The following CAV1 variants were observed in gnomAD, a reference collection of about 807,000 sequenced individuals.
CAV1 encodes the protein caveolin-1.
In CAV1, 10 loss-of-function variants were observed where a neutral mutation model predicts 16.5. The ratio of observed to expected loss-of-function variants is 0.61; its 90% CI spans 0.37 to 1.03. CAV1 has a LOEUF of 1.03. Ranked by LOEUF, CAV1 falls within the 50% of genes least tolerant of loss-of-function variation. The pLI is 0.01. For synonymous variants in CAV1, 76 were observed against 85.1 expected, an observed-to-expected ratio of 0.89 and a Z score of 0.59; for missense variants, 212 against 232.8, an observed-to-expected ratio of 0.91 and a Z score of 0.58.
At chr7:116,526,408 C>T in intron 1 of CAV1, 117 bp from the exon 2 acceptor site, 3 of 1,559,668 alleles carry the variant, frequency 1.9e-6, no homozygotes, top group Non-Finnish European at 2.6e-6. Flanking sequence ...ATTTCGAGCT[C>T]GAGGTTTCCC....
chr7:116,526,974 A>C, intron 2 of CAV1: 7 of 455,992 alleles, frequency 1.5e-5, no homozygotes, highest in Non-Finnish European at 2.0e-5. Context: ...ATCCTAGCAA[A>C]TGAGCCTATT....
At chr7:116,530,766 T>C (rs1793672555) in intron 2 of CAV1, among the ~76,000 whole-genome samples, 1 of 145,692 alleles carries the variant, frequency 6.9e-6, no homozygotes, top group African/African-American at 2.5e-5. Flanking sequence ...AGACTGATCA[T>C]AGTAAAATGC....
At chr7:116,526,861 G>A (rs1340070474) in intron 2 of CAV1, 172 bp downstream of exon 2, 12 of 698,634 alleles carry the variant, frequency 1.7e-5, no homozygotes, top group East Asian at 1.6e-4. Flanking sequence ...TCCCGCAGTC[G>A]GCAGAAACGT....
intron 2 of CAV1, among the ~76,000 whole-genome samples, chr7:116,529,573 A>G (rs1793641409): frequency 6.6e-6 from 1 of 152,152 alleles, no homozygotes; most frequent in African/African-American, 2.4e-5. Flanking sequence ...AAAGAAAACA[A>G]CAACAAAACT....
intron 2 of CAV1, among the ~76,000 whole-genome samples, chr7:116,556,056 T>C (rs543957141): frequency 6.6e-5 from 10 of 152,212 alleles, no homozygotes; most frequent in East Asian, 1.9e-4. Context: ...CTAAATTCAC[T>C]TGGACGTTTG....
At chr7:116,545,498 A>G (rs939467667) in intron 2 of CAV1, among the ~76,000 whole-genome samples, 2 of 152,230 alleles carry the variant, frequency 1.3e-5, no homozygotes, top group African/African-American at 4.8e-5. Flanking sequence ...GCAATGTTCA[A>G]ACCTGCAGAG....
chr7:116,555,828 T>G (rs898192388), intron 2 of CAV1, among the ~76,000 whole-genome samples: 1 of 152,186 alleles, frequency 6.6e-6, no homozygotes, highest in Non-Finnish European at 1.5e-5. Flanking sequence ...TAATTACTGC[T>G]GTGTAAATGG....
chr7:116,558,951 C>G lies in CAV1; in HGVS notation c.201C>G (p.Asp67Glu). ...GTGTCACTTCTTCCTTTTAGATTGA[C>G]TTTGAAGATGTGATTGCAGAACCAG... ...KHLNDDVVKIDFEDVIAEPEG... is the reference protein window; with the variant it reads ...KHLNDDVVKIEFEDVIAEPEG... The change falls in exon 3 of 3, where the codon GAC becomes GAG. Residue 67 changes from aspartate to glutamate, a missense_variant. Transcript: ENST00000341049. The G allele has an allele frequency of 6.2e-7, 1 of 1,611,740 alleles. No individual in the cohort carries two copies. The highest frequency in any genetic ancestry group is 8.5e-7 in the Non-Finnish European group (1 of 1,178,188).
chr7:116,526,185 CG>C, intron 1 of CAV1: 1 of 708,248 alleles, frequency 1.4e-6, no homozygotes, highest in African/African-American at 1.9e-5. Context: ...GCGGGTCCTG[CG>C]GGTCCTGCGT....
chr7:116,537,944 T>C (rs1793857373), intron 2 of CAV1, among the ~76,000 whole-genome samples: 1 of 152,102 alleles, frequency 6.6e-6, no homozygotes, highest in African/African-American at 2.4e-5. Flanking sequence ...ACCAGACACG[T>C]TGCAGTGGTG....
At chr7:116,538,277 T>G (rs1309542094) in intron 2 of CAV1, among the ~76,000 whole-genome samples, 1 of 152,226 alleles carries the variant, frequency 6.6e-6, no homozygotes, top group Admixed American at 6.5e-5. Context: ...CCCTAGTAAT[T>G]ACATATTTGT....
At chr7:116,533,330 C>A (rs1793721181) in intron 2 of CAV1, among the ~76,000 whole-genome samples, 1 of 136,764 alleles carries the variant, frequency 7.3e-6, no homozygotes. Context: ...CAGCGAGACT[C>A]CGTCTCAAAA....
chr7:116,558,348 G>C (rs1584787586), intron 2 of CAV1, among the ~76,000 whole-genome samples: 1 of 152,132 alleles, frequency 6.6e-6, no homozygotes, highest in Admixed American at 6.5e-5. Flanking sequence ...TTTCTCTAGA[G>C]CTGTAGTTCT....
In CAV1 at chr7:116,539,546, GA is replaced by G. The variant is rs371462650; in HGVS notation, c.195+12866del. Among the ~76,000 whole-genome samples the G allele has an allele frequency of 7.4e-3, 1,121 of 150,578 alleles. 17 individuals carry two copies. Among genetic ancestry groups the G allele is most frequent in the African/African-American group, 0.026 (1,060 of 41,138 alleles). On this transcript the variant is annotated intron_variant, in intron 2 of 2. Coordinates refer to ENST00000341049, the MANE Select transcript of CAV1 (RefSeq NM_001753.5). Reference sequence around the variant, plus strand: ...TTGGCCATATTTGAAAATCTTGTTGGAAAAAAAAATTCAAGAACTTAATAAA... The same window carrying G: ...TTGGCCATATTTGAAAATCTTGTTGGAAAAAAAATTCAAGAACTTAATAAA...
intron 1 of CAV1, 196 bp downstream of exon 1, chr7:116,525,288 C>CT (rs1294158390): frequency 1.3e-6 from 2 of 1,561,756 alleles, no homozygotes; most frequent in Middle Eastern, 1.7e-4. Context: ...TTATGTTTTC[C>CT]TAATGGAGAG....
chr7:116,532,484 C>CT (rs1296229148), intron 2 of CAV1, among the ~76,000 whole-genome samples: 1 of 152,188 alleles, frequency 6.6e-6, no homozygotes, highest in African/African-American at 2.4e-5. Flanking sequence ...TTGAGGGCTG[C>CT]TGTCTTTATA....
chr7:116,548,726 C>A (rs535948306), intron 2 of CAV1, among the ~76,000 whole-genome samples: 97 of 152,230 alleles, frequency 6.4e-4, no homozygotes, highest in African/African-American at 2.3e-3. Flanking sequence ...AGAGCAAAAT[C>A]CTGTGTTTGG....
chr7:116,528,832 TA>T (rs1157453870), intron 2 of CAV1, among the ~76,000 whole-genome samples: 1 of 151,968 alleles, frequency 6.6e-6, no homozygotes, highest in Non-Finnish European at 1.5e-5. Context: ...TTTATTTATT[TA>T]TTTATTTATT....
chr7:116,551,082 T>G (rs1358581067), intron 2 of CAV1, among the ~76,000 whole-genome samples: 1 of 152,146 alleles, frequency 6.6e-6, no homozygotes, highest in African/African-American at 2.4e-5. Context: ...CATGGCACAC[T>G]CTAGTCTTTT....
Sources: gnomAD v4.1 joint callset for allele counts (sites outside exome capture counted in the v4.1 genomes callset) on GRCh38, gnomAD v4.1.1 for gene constraint, MANE v1.5 for transcripts, NCBI Gene and HGNC (gene_info 2026-07-23, HGNC 2026-07-21) for gene names.